The following FCHSD2 variants were observed in gnomAD, a reference collection of about 807,000 sequenced individuals.
FCHSD2 encodes F-BAR and double SH3 domains protein 2.
In FCHSD2, 38 loss-of-function variants were observed where a neutral mutation model predicts 108.1. The observed-to-expected ratio is 0.35, with a 90% CI of 0.27 to 0.46. The LOEUF (loss-of-function observed/expected upper bound fraction) is 0.46, where lower values mean the gene tolerates loss of function less well. FCHSD2 is among the 20% of genes least tolerant of loss of function. The pLI, the probability that FCHSD2 is intolerant of heterozygous loss-of-function variation, is 1.00. For missense variants in FCHSD2, 751 were observed against 897.8 expected, an observed-to-expected ratio of 0.84 and a Z score of 2.09; for synonymous variants, 279 against 314.7, an observed-to-expected ratio of 0.89 and a Z score of 1.20.
intron 3 of FCHSD2, among the ~76,000 whole-genome samples, chr11:73,056,865 A>T (rs1859037164): frequency 1.3e-5 from 2 of 152,066 alleles, no homozygotes; most frequent in Non-Finnish European, 2.9e-5. Context: ...GGTGGATCAC[A>T]GGGTCAGGAG....
chr11:72,958,995 G>T (rs1437504889), intron 8 of FCHSD2, among the ~76,000 whole-genome samples: 6 of 19,372 alleles, frequency 3.1e-4, no homozygotes, highest in Non-Finnish European at 1.2e-3. Context: ...AGTAAGATAT[G>T]TGTGTGTGTG....
intron 13 of FCHSD2, among the ~76,000 whole-genome samples, chr11:72,852,675 A>G (rs913735180): frequency 6.6e-6 from 1 of 151,988 alleles, no homozygotes; most frequent in Non-Finnish European, 1.5e-5. Flanking sequence ...AAAAAAAAAG[A>G]CACATGCACA....
At chr11:72,942,813 G>A (rs1017685602) in intron 8 of FCHSD2, among the ~76,000 whole-genome samples, 1 of 151,956 alleles carries the variant, frequency 6.6e-6, no homozygotes, top group Admixed American at 6.6e-5. Flanking sequence ...ACAGGGTCTC[G>A]CTCTATCACC....
chr11:73,011,301 C>CT, intron 4 of FCHSD2, among the ~76,000 whole-genome samples: 1 of 152,280 alleles, frequency 6.6e-6, no homozygotes, highest in South Asian at 2.1e-4. Flanking sequence ...AGTGGCTGCA[C>CT]TGCTGCCCTG....
chr11:72,850,724 T>G (rs1861262185), intron 13 of FCHSD2, among the ~76,000 whole-genome samples: 1 of 152,054 alleles, frequency 6.6e-6, no homozygotes, highest in Admixed American at 6.6e-5. Context: ...TCAGTATCCT[T>G]TCACTTTTCA....
intron 8 of FCHSD2, among the ~76,000 whole-genome samples, chr11:72,974,467 A>G (rs895500844): frequency 1.4e-4 from 21 of 152,352 alleles, no homozygotes; most frequent in African/African-American, 5.0e-4. Context: ...CATGAACTTT[A>G]GAGGACACAT....
At chr11:73,084,276 T>C (rs1859763611) in intron 2 of FCHSD2, among the ~76,000 whole-genome samples, 1 of 152,218 alleles carries the variant, frequency 6.6e-6, no homozygotes, top group South Asian at 2.1e-4. Context: ...TTCACTCCAG[T>C]TTTTTATAAG....
intron 8 of FCHSD2, among the ~76,000 whole-genome samples, chr11:72,931,232 T>A (rs954823221): frequency 1.1e-4 from 17 of 148,910 alleles, no homozygotes; most frequent in Admixed American, 1.3e-4. Context: ...ATAGCTGGGA[T>A]TACAGGCTTG....
intron 9 of FCHSD2, among the ~76,000 whole-genome samples, chr11:72,907,872 C>T (rs572754660): frequency 2.0e-5 from 3 of 152,170 alleles, no homozygotes; most frequent in African/African-American, 2.4e-5. Context: ...GGATTACAGG[C>T]GTGAGCCACC....
At chr11:73,114,427 A>G (rs1352461693) in intron 2 of FCHSD2, among the ~76,000 whole-genome samples, 1 of 151,852 alleles carries the variant, frequency 6.6e-6, no homozygotes, top group East Asian at 1.9e-4. Flanking sequence ...GCTCTACCCA[A>G]CTGTGGCCAA....
At chr11:73,043,507 T>A (rs973308192) in intron 3 of FCHSD2, among the ~76,000 whole-genome samples, 5 of 152,234 alleles carry the variant, frequency 3.3e-5, no homozygotes, top group African/African-American at 7.2e-5. Context: ...ATACAACTTT[T>A]ATTGTTGTCT....
chr11:72,863,494 T>C (rs1005446481), intron 13 of FCHSD2, among the ~76,000 whole-genome samples: 1 of 152,110 alleles, frequency 6.6e-6, no homozygotes, highest in African/African-American at 2.4e-5. Flanking sequence ...AAAGAAAAAT[T>C]GGTAGGTTGG....
Position 72,988,981 on chromosome 11 carries a change from T to C in FCHSD2, c.504A>G (p.Lys168=). 1 of 1,605,802 alleles carries C rather than the reference T, an allele frequency of 6.2e-7. No homozygotes were observed. The highest frequency in any genetic ancestry group is 1.3e-5 in the African/African-American group (1 of 74,546). The change falls in exon 6 of 20, where the codon AAA becomes AAG. Residue 168 remains lysine (K), a synonymous_variant. Coordinates refer to ENST00000409418, the MANE Select transcript of FCHSD2 (RefSeq NM_014824.3). The part of the protein sequence containing the change: ...TEQMAHAVRE[K]ADIEAKSKLS... ...ACACATACTTTGCCTCGATGTCAGC[T>C]TTCTCTCGTACTGCATGAGCCATCT...
intron 3 of FCHSD2, among the ~76,000 whole-genome samples, chr11:73,045,669 C>T (rs553968688): frequency 3.6e-4 from 53 of 148,328 alleles, no homozygotes; most frequent in Non-Finnish European, 5.9e-5. Flanking sequence ...ATCGCAAGAA[C>T]AAAAAACCAA....
intron 12 of FCHSD2, among the ~76,000 whole-genome samples, chr11:72,872,486 A>G (rs1222980295): frequency 6.6e-6 from 1 of 151,996 alleles, no homozygotes; most frequent in African/African-American, 2.4e-5. Context: ...TCACTATTCT[A>G]CTTTCTGTCT....
chr11:73,021,938 G>A (rs2135440304), intron 3 of FCHSD2, among the ~76,000 whole-genome samples: 1 of 151,986 alleles, frequency 6.6e-6, no homozygotes, highest in South Asian at 2.1e-4. Context: ...CAGGCCTGGT[G>A]GTGCACACCT....
At chr11:72,907,595 G>A (rs1446555807) in intron 9 of FCHSD2, among the ~76,000 whole-genome samples, 3 of 119,198 alleles carry the variant, frequency 2.5e-5, no homozygotes, top group Non-Finnish European at 5.0e-5. Flanking sequence ...AGATAATCAC[G>A]TGGGTTTTTT....
At chr11:73,134,291 T>C (rs1861071710) in intron 2 of FCHSD2, among the ~76,000 whole-genome samples, 1 of 151,856 alleles carries the variant, frequency 6.6e-6, no homozygotes, top group Non-Finnish European at 1.5e-5. Context: ...GGCAACATAG[T>C]GAAACCCTCT....
At chr11:72,997,817 C>T (rs1857548943) in intron 5 of FCHSD2, among the ~76,000 whole-genome samples, 1 of 152,188 alleles carries the variant, frequency 6.6e-6, no homozygotes, top group South Asian at 2.1e-4. Flanking sequence ...CCTCCTGCCT[C>T]AACCTCCCAA....
Sources: allele counts gnomAD v4.1 joint callset (sites outside exome capture counted in the v4.1 genomes callset), GRCh38; gene constraint gnomAD v4.1.1; transcripts MANE v1.5; gene names NCBI Gene and HGNC (gene_info 2026-07-23, HGNC 2026-07-21).